The following VPS33A variants were observed in gnomAD, a reference collection of about 807,000 sequenced individuals.
VPS33A encodes the protein VPS33A core subunit of CORVET and HOPS complexes.
In VPS33A, 32 loss-of-function variants were observed where a neutral mutation model predicts 71.8. The ratio of observed to expected loss-of-function variants is 0.45; its 90% CI spans 0.34 to 0.60. VPS33A has a LOEUF of 0.60. VPS33A is among the 20% of genes least tolerant of loss of function. The pLI is 0.02. For missense variants in VPS33A, 625 were observed against 748.5 expected, an observed-to-expected ratio of 0.84 and a Z score of 1.92; for synonymous variants, 311 against 292.7, an observed-to-expected ratio of 1.06 and a Z score of -0.64.
At chr12:122,232,468 T>A in intron 12 of VPS33A, 41 bp from the exon 13 acceptor site, 1 of 1,550,806 alleles carries the variant, frequency 6.4e-7, no homozygotes, top group Non-Finnish European at 8.7e-7. Context: ...TATTTATTAT[T>A]AATGCTTCTC....
chr12:122,245,867 A>G (rs1370176575), intron 6 of VPS33A, among the ~76,000 whole-genome samples: 1 of 152,212 alleles, frequency 6.6e-6, no homozygotes, highest in Non-Finnish European at 1.5e-5. Flanking sequence ...TATGACCTGC[A>G]CTTTGTAACA....
chr12:122,231,015 T>G lies in VPS33A; in HGVS notation c.*1231A>C, dbSNP rs1954553415. ...GAGTGGCCACAGACTGCTAGAAAAG[T>G]ACACGTGGCAGTTACCATGGAAACG... On this transcript the variant is annotated 3_prime_UTR_variant, in exon 13 of 13. Coordinates refer to ENST00000267199, the MANE Select transcript of VPS33A (RefSeq NM_022916.6). 1 of 152,192 alleles carries G rather than the reference T, an allele frequency of 6.6e-6. No individual in the cohort carries two copies. The highest frequency in any genetic ancestry group is 2.4e-5 in the African/African-American group (1 of 41,424). The allele number at this position is 152,192 out of a possible 1,614,324, so 9.4% of individuals were successfully genotyped here. A position where few individuals can be genotyped will look rare whatever the true frequency, so the allele number is the denominator to read the frequency against.
chr12:122,266,460 A>C lies in VPS33A; in HGVS notation c.-52T>G, dbSNP rs187141949. Reference sequence around the variant, plus strand: ...ACGCCAACCGAGTCCGCCGGTTCCTACGGGAGGACCACGGACGCAGTCACG... The same window carrying C: ...ACGCCAACCGAGTCCGCCGGTTCCTCCGGGAGGACCACGGACGCAGTCACG... On this transcript the variant is annotated 5_prime_UTR_variant, in exon 1 of 13. Coordinates refer to ENST00000267199, the MANE Select transcript of VPS33A (RefSeq NM_022916.6). 497 of 1,582,176 alleles carry C rather than the reference A, an allele frequency of 3.1e-4. 2 individuals are homozygous for C. The Admixed American group carries it at 3.7e-3, about 12-fold the overall frequency.
intron 3 of VPS33A, among the ~76,000 whole-genome samples, chr12:122,263,139 C>T (rs1955020678): frequency 6.6e-6 from 1 of 151,882 alleles, no homozygotes; most frequent in Non-Finnish European, 1.5e-5. Context: ...ACTACAGGCA[C>T]AGGCCACCAA....
At position 122,265,619 on chromosome 12, in the gene VPS33A, G is replaced by C. The variant is rs183961422; in HGVS notation, c.102+688C>G. On this transcript the variant is annotated intron_variant, in intron 1 of 12. Transcript: ENST00000267199. Reference sequence around the variant, plus strand: ...AGACTGCTTTCTTCTCTCAAAGGCTGCTAGCACCCACTTTACCTCTTGGGG... The same window carrying C: ...AGACTGCTTTCTTCTCTCAAAGGCTCCTAGCACCCACTTTACCTCTTGGGG... The C allele has an allele frequency of 2.4e-5, 9 of 382,872 alleles. No homozygotes were observed. In the East Asian group the frequency reaches 5.9e-4, roughly 25 times the overall value. 23.7% of individuals were successfully genotyped at this position (382,872 alleles called of 1,614,324 possible). A position where few individuals can be genotyped will look rare whatever the true frequency, so the allele number is the denominator to read the frequency against.
At chr12:122,254,803 G>A (rs1954894043) in intron 4 of VPS33A, among the ~76,000 whole-genome samples, 1 of 152,120 alleles carries the variant, frequency 6.6e-6, no homozygotes, top group Admixed American at 6.5e-5. Context: ...TGTAATCCCA[G>A]CACTTTGGGA....
rs563356653 is a variant in VPS33A at position 122,245,601 on chromosome 12, G to A, written c.776-839C>T. Among the ~76,000 whole-genome samples the A allele has an allele frequency of 2.0e-5, 3 of 152,118 alleles. No individual in the cohort carries two copies. In the East Asian group the frequency reaches 5.8e-4, roughly 29 times the overall value. On this transcript the variant is annotated intron_variant, in intron 6 of 12. Coordinates refer to ENST00000267199, the MANE Select transcript of VPS33A (RefSeq NM_022916.6). ...TCAGATTATAGGCACCCACCACCAT[G>A]CCCGGCTAATTTTCTTGTATTTTTA... is the stretch of plus-strand genomic sequence containing the variant.
At chr12:122,265,899 T>C (rs1428788967) in intron 1 of VPS33A, among the ~76,000 whole-genome samples, 4 of 152,180 alleles carry the variant, frequency 2.6e-5, no homozygotes, top group Admixed American at 2.0e-4. Context: ...GAGCAGCAGG[T>C]TGCAAGGTGC....
At chr12:122,233,713 C>A (rs976054188) in intron 11 of VPS33A, among the ~76,000 whole-genome samples, 1 of 152,142 alleles carries the variant, frequency 6.6e-6, no homozygotes, top group Non-Finnish European at 1.5e-5. Flanking sequence ...CTGGAAACAA[C>A]CTGAATTTCT....
intron 10 of VPS33A, among the ~76,000 whole-genome samples, chr12:122,237,691 C>A (rs1453587098): frequency 1.1e-5 from 1 of 93,018 alleles, no homozygotes; most frequent in Non-Finnish European, 1.9e-5. Flanking sequence ...CTACAGGCGC[C>A]CGCCACCGCG....
intron 8 of VPS33A, 151 bp downstream of exon 8, chr12:122,242,231 T>A (rs1178946515): frequency 1.0e-6 from 1 of 978,204 alleles, no homozygotes; most frequent in Non-Finnish European, 1.5e-6. Flanking sequence ...ACTATTAACA[T>A]ATGTATACTT....
In VPS33A at chr12:122,232,230, G is replaced by A. The variant is rs948279784; in HGVS notation, c.*16C>T. On this transcript the variant is annotated 3_prime_UTR_variant, in exon 13 of 13. Coordinates refer to ENST00000267199, the MANE Select transcript of VPS33A (RefSeq NM_022916.6). ...GTTTATTCTGCAGTACACTTGTTAA[G>A]TCTCCTCTGAACATCCTAGAAAGGT... is the stretch of plus-strand genomic sequence containing the variant. 6.3e-7 allele frequency: 1 copy of A among 1,599,484 alleles called. No individual in the cohort carries two copies. Among genetic ancestry groups the A allele is most frequent in the South Asian group, 1.1e-5 (1 of 88,490 alleles).
chr12:122,239,749 C>CACAA (rs1954687098), intron 9 of VPS33A, 129 bp downstream of exon 9: 2 of 197,834 alleles, frequency 1.0e-5, no homozygotes, highest in Admixed American at 2.6e-4. Flanking sequence ...GACTCCGTCT[C>CACAA]AAAAAAAAAA....
rs377423279 is a variant in VPS33A at position 122,264,094 on chromosome 12, A to C, written c.168+40T>G. The C allele has an allele frequency of 3.4e-6, 5 of 1,458,934 alleles. 1 individual carries two copies. Among genetic ancestry groups the C allele is most frequent in the Middle Eastern group, 3.6e-4 (2 of 5,596 alleles). The allele number at this position is 1,458,934 out of a possible 1,614,324, so 90.4% of individuals were successfully genotyped here. On this transcript the variant is annotated intron_variant, in intron 2 of 12. Coordinates refer to ENST00000267199, the MANE Select transcript of VPS33A (RefSeq NM_022916.6). Reference sequence around the variant, plus strand: ...TCCTATTGTAACTGCTAAAGTACAGAATTATTAATCCCCTAACAAAACCCA... The same window carrying C: ...TCCTATTGTAACTGCTAAAGTACAGCATTATTAATCCCCTAACAAAACCCA...
In VPS33A at chr12:122,229,718, CAA is replaced by C. The variant is rs1159643986; in HGVS notation, c.*2526_*2527del. 1.3e-5 allele frequency: 2 copies of C among 152,182 alleles called. No individual in the cohort carries two copies. Among genetic ancestry groups the C allele is most frequent in the Non-Finnish European group, 2.9e-5 (2 of 68,028 alleles). 9.4% of individuals were successfully genotyped at this position (152,182 alleles called of 1,614,324 possible). On this transcript the variant is annotated 3_prime_UTR_variant, in exon 13 of 13. Coordinates refer to ENST00000267199, the MANE Select transcript of VPS33A (RefSeq NM_022916.6). The stretch of plus-strand genomic sequence containing the variant: ...TCAGTAAGGGCATACTCTTTTGAGA[CAA>C]AGACTGCTTCAAGTATTAAATGAAC...
intron 12 of VPS33A, 54 bp from the exon 13 acceptor site, chr12:122,232,481 C>T (rs1954576236): frequency 6.7e-7 from 1 of 1,485,296 alleles, no homozygotes; most frequent in South Asian, 1.3e-5. Flanking sequence ...TGCTTCTCTT[C>T]CCACCTCTTC....
chr12:122,250,423 C>A (rs183600269), intron 5 of VPS33A, among the ~76,000 whole-genome samples: 77 of 152,292 alleles, frequency 5.1e-4, no homozygotes, highest in African/African-American at 1.8e-3. Flanking sequence ...AATACGTAAC[C>A]CAGTTTTATA....
chr12:122,256,589 A>G (rs1954922256), intron 4 of VPS33A, among the ~76,000 whole-genome samples: 2 of 152,098 alleles, frequency 1.3e-5, no homozygotes, highest in South Asian at 2.1e-4. Flanking sequence ...CAATTAAAAA[A>G]AAAAAAGTTC....
In VPS33A at chr12:122,238,620, T is replaced by G; in HGVS notation, c.1269A>C (p.Lys423Asn). The G allele has an allele frequency of 6.2e-7, 1 of 1,612,094 alleles. No homozygotes were observed. Among genetic ancestry groups the G allele is most frequent in the African/African-American group, 1.3e-5 (1 of 74,914 alleles). Reference sequence around the variant, plus strand: ...TCTCTCTTTTGTAATAATCCAAAACTTTTTGTTTGAGCCCACTATTACACA... The same window carrying G: ...TCTCTCTTTTGTAATAATCCAAAACGTTTTGTTTGAGCCCACTATTACACA... ...QSVCNSGLKQ[K>N]VLDYYKREIL... Residue 423 changes from lysine (K) to asparagine (N), a missense_variant, in exon 10 of 13, where the codon AAA becomes AAC. Physicochemically the swap from Lys to Asn is moderately conservative, Grantham distance 94. Transcript: ENST00000267199.
Sources: gnomAD v4.1 joint callset for allele counts (sites outside exome capture counted in the v4.1 genomes callset) on GRCh38, gnomAD v4.1.1 for gene constraint, MANE v1.5 for transcripts, NCBI Gene and HGNC (gene_info 2026-07-23, HGNC 2026-07-21) for gene names.